Variants in CROCC observed in about 807,000 individuals in gnomAD.
CROCC encodes the protein rootletin.
Under a neutral mutation model 245.2 loss-of-function variants are expected in CROCC, and 180 were observed. That is an observed-to-expected ratio of 0.73 (90% confidence interval 0.65 to 0.83). The LOEUF is 0.83. CROCC is among the 40% of genes least tolerant of loss of function. The pLI is 0.00. For missense variants in CROCC, 2,688 were observed against 2,779.4 expected (o/e 0.97, Z 0.74); for synonymous variants, 1,205 against 1,241.6 (o/e 0.97, Z 0.62).
intron 27 of CROCC, among the ~76,000 whole-genome samples, chr1:16,963,486 A>G (rs2076366843): frequency 6.6e-6 from 1 of 152,200 alleles, no homozygotes; most frequent in Non-Finnish European, 1.5e-5. Flanking sequence ...GGGACCTTCT[A>G]GAGCTGGAGG....
chr1:16,948,400 G>T lies in CROCC; in HGVS notation c.2584G>T (p.Glu862Ter). 6.3e-7 allele frequency: 1 copy of T among 1,576,502 alleles called. No individual in the cohort carries two copies. Among genetic ancestry groups the T allele is most frequent in the East Asian group, 2.3e-5 (1 of 43,946 alleles). Residue 862 changes from glutamate (E) to a stop codon, truncating the protein, a stop_gained, in exon 18 of 37, where the codon GAG (glutamate) becomes TAG (stop). Coordinates refer to ENST00000375541, the MANE Select transcript of CROCC (RefSeq NM_014675.5). LOFTEE classifies it high-confidence loss of function. ...QARREAQRQV[E>*]ALERAAREKE... ...CCGGCGGGAGGCCCAGCGGCAAGTG[G>T]AGGCGCTGGAGCGAGCGGCCCGTGA...
rs780726691 is a variant in CROCC, at chr1:16,946,826, G to A, written c.2349G>A (p.Ala783=). The A allele has an allele frequency of 1.4e-4, 219 of 1,553,416 alleles. No homozygotes were observed. The highest frequency in any genetic ancestry group is 1.7e-4 in the Middle Eastern group (1 of 5,992). The part of the protein sequence containing the change: ...QRQAEQEATV[A]REEQERLEEL... ...AGGCAGAGCAGGAGGCCACAGTGGC[G>A]CGGGAAGAGCAGGAACGGCTAGAGG... The change falls in exon 17 of 37, where the codon GCG becomes GCA. Residue 783 remains alanine, a synonymous_variant. Coordinates refer to ENST00000375541, the MANE Select transcript of CROCC (RefSeq NM_014675.5).
Position 16,954,833 on chromosome 1 carries a change from C to T in CROCC, c.3421C>T (p.Gln1141Ter). 1 of 1,550,150 alleles carries T rather than the reference C, an allele frequency of 6.5e-7. No homozygotes were observed. The highest frequency in any genetic ancestry group is 8.7e-7 in the Non-Finnish European group (1 of 1,146,124). The change falls in exon 23 of 37, where the codon CAG (glutamine) becomes TAG (stop). Residue 1141 changes from glutamine (Q) to a stop codon, truncating the protein, a stop_gained. Transcript: ENST00000375541. LOFTEE classifies it high-confidence loss of function. The surrounding 1 kb of genome is among the most constrained non-coding windows in gnomAD (Gnocchi z 4.4). Reference sequence around the variant, plus strand: ...CCAGGAGGTGAGGAGGCTGCAAGAGCAGGCCCGAGACCTGGGCAAGCAGCG... The same window carrying T: ...CCAGGAGGTGAGGAGGCTGCAAGAGTAGGCCCGAGACCTGGGCAAGCAGCG... ...HAQEVRRLQE[Q>*]ARDLGKQRDS...
At chr1:16,934,352 T>A (rs375287138) in intron 8 of CROCC, among the ~76,000 whole-genome samples, 2 of 152,320 alleles carry the variant, frequency 1.3e-5, no homozygotes, top group South Asian at 2.1e-4. Flanking sequence ...CAGGCTGGAG[T>A]GCAGTGGCAC....
Position 16,955,203 on chromosome 1 carries a change from C to T in CROCC, c.3466-109C>T, listed in dbSNP as rs537158205. ...TAACTCACAGCCTGCGGTCTGAGCA[C>T]TGCAGAGGGATGGGGCAGGCTCCCT... is the stretch of plus-strand genomic sequence containing the variant. On this transcript the variant is annotated intron_variant, in intron 23 of 36. Coordinates refer to ENST00000375541, the MANE Select transcript of CROCC (RefSeq NM_014675.5). The T allele has an allele frequency of 3.8e-6, 4 of 1,063,078 alleles. No homozygotes were observed. The South Asian group carries it at 5.6e-5, about 15-fold the overall frequency. The allele number at this position is 1,063,078 out of a possible 1,614,324, so 65.9% of individuals were successfully genotyped here. A position where few individuals can be genotyped will look rare whatever the true frequency, so the allele number is the denominator to read the frequency against.
upstream of CROCC, among the ~76,000 whole-genome samples, chr1:16,918,765 C>T (rs11800377): frequency 0.091 from 12,779 of 139,810 alleles, 4 homozygotes; most frequent in African/African-American, 0.17. Context: ...GAGACAGAGT[C>T]TCTCTCTGTC....
At chr1:16,935,998 C>T (rs1297534201) in intron 8 of CROCC, among the ~76,000 whole-genome samples, 2 of 151,474 alleles carry the variant, frequency 1.3e-5, no homozygotes, top group African/African-American at 2.4e-5. Flanking sequence ...GTATCACCCT[C>T]CCACCAGCTG....
chr1:16,972,012 C>T (rs1186172396), intron 36 of CROCC, among the ~76,000 whole-genome samples: 1 of 152,228 alleles, frequency 6.6e-6, no homozygotes, highest in Admixed American at 6.5e-5. Context: ...TCACATACCC[C>T]TTCCTGACCA....
Position 16,954,683 on chromosome 1 carries a change from C to G in CROCC, c.3322-51C>G, listed in dbSNP as rs375970169. The G allele has an allele frequency of 2.0e-6, 3 of 1,503,860 alleles. No homozygotes were observed. The highest frequency in any genetic ancestry group is 2.2e-5 in the Admixed American group (1 of 45,764). 93.2% of individuals were successfully genotyped at this position (1,503,860 alleles called of 1,614,324 possible). A position where few individuals can be genotyped will look rare whatever the true frequency, so the allele number is the denominator to read the frequency against. On this transcript the variant is annotated intron_variant, in intron 22 of 36. Coordinates refer to ENST00000375541, the MANE Select transcript of CROCC (RefSeq NM_014675.5). The surrounding 1 kb of genome is among the most constrained non-coding windows in gnomAD (Gnocchi z 4.4). ...TGCACTGAGCGGGTTGGGAGCAGCCCGGGGCTGGGGGACACAGCAGGACCA... is the reference window on the plus strand; with the variant it reads ...TGCACTGAGCGGGTTGGGAGCAGCCGGGGGCTGGGGGACACAGCAGGACCA...
chr1:16,941,689 G>A (rs1412692396), intron 13 of CROCC, among the ~76,000 whole-genome samples: 3 of 151,118 alleles, frequency 2.0e-5, no homozygotes, highest in African/African-American at 7.3e-5. Context: ...CCGAGATGGC[G>A]CCACTGCACT....
Position 16,939,804 on chromosome 1 carries a change from G to A in CROCC, c.1609-90G>A, listed in dbSNP as rs531998892. On this transcript the variant is annotated intron_variant, in intron 12 of 36. Coordinates refer to ENST00000375541, the MANE Select transcript of CROCC (RefSeq NM_014675.5). ...CAGGCCCTGGACCCCGCCTAGCGTA[G>A]GCTAGTGTGTATCCCTGGAACCAGA... 256 of 1,471,730 alleles carry A rather than the reference G, an allele frequency of 1.7e-4. No homozygotes were observed. In the African/African-American group the frequency reaches 3.3e-3, roughly 19 times the overall value. The allele number at this position is 1,471,730 out of a possible 1,614,324, so 91.2% of individuals were successfully genotyped here.
chr1:16,969,455 A>T, intron 32 of CROCC, 115 bp downstream of exon 32: 2 of 1,074,650 alleles, frequency 1.9e-6, no homozygotes, highest in East Asian at 2.6e-5. Context: ...AGTTGGAGCC[A>T]ATGAGAGCAG....
Position 16,971,725 on chromosome 1 carries a change from T to C in CROCC, c.5967+78T>C, listed in dbSNP as rs553148691. ...AAAGAGGAGAGACCCAATCAAGACC[T>C]TGTGGGTATAGGCAGTCGATGGCTC... On this transcript the variant is annotated intron_variant, in intron 36 of 36. Coordinates refer to ENST00000375541, the MANE Select transcript of CROCC (RefSeq NM_014675.5). The C allele has an allele frequency of 1.3e-5, 18 of 1,348,430 alleles. No individual in the cohort carries two copies. In the Admixed American group the frequency reaches 3.7e-4, roughly 28 times the overall value. The allele number at this position is 1,348,430 out of a possible 1,614,324, so 83.5% of individuals were successfully genotyped here.
Position 16,946,867 on chromosome 1 carries a change from A to G in CROCC, c.2390A>G (p.Gln797Arg). The G allele has an allele frequency of 6.4e-7, 1 of 1,558,630 alleles. No individual in the cohort carries two copies. Among genetic ancestry groups the G allele is most frequent in the Non-Finnish European group, 8.7e-7 (1 of 1,151,294 alleles). The change falls in exon 17 of 37, where the codon CAG becomes CGG. Residue 797 changes from glutamine to arginine, a missense_variant. By Grantham distance (43) the Gln-to-Arg change is conservative (BLOSUM62 1). Around this residue, in one of 9 missense-constraint regions of CROCC, gnomAD observed 295 missense variants for 241.7 expected, o/e 1.22. Transcript: ENST00000375541. The stretch of plus-strand genomic sequence containing the variant: ...CGGCTAGAGGAGCTGCGGTTGGAGC[A>G]GGAGGTGGCGCGGCAGGGCCTGGAG... The part of the protein sequence containing the change: ...QERLEELRLE[Q>R]EVARQGLEGS...
chr1:16,918,972 A>G (rs895205420), upstream of CROCC, among the ~76,000 whole-genome samples: 2 of 152,254 alleles, frequency 1.3e-5, no homozygotes, highest in African/African-American at 4.8e-5. Flanking sequence ...CCTGACCTCA[A>G]GTGATCGACC....
In CROCC at chr1:16,958,258, C is replaced by T. The variant is rs536414163; in HGVS notation, c.3865-325C>T. 2.6e-5 allele frequency among the ~76,000 whole-genome samples: 4 copies of T among 152,288 alleles called. No homozygotes were observed. The South Asian group carries it at 6.2e-4, about 24-fold the overall frequency. On this transcript the variant is annotated intron_variant, in intron 25 of 36. Transcript: ENST00000375541. ...GCGCTCCAAAAACGTTCATCGCCAT[C>T]GTAGAGGGGAAAGATAACCCAGGGA...
In CROCC at chr1:16,947,029, T is replaced by C. The variant is rs772603401; in HGVS notation, c.2514+38T>C. On this transcript the variant is annotated intron_variant, in intron 17 of 36. Coordinates refer to ENST00000375541, the MANE Select transcript of CROCC (RefSeq NM_014675.5). ...GTGTGTGGGGGTGGTGTGGAGAGCA[T>C]GTGGGGCAGGCCGGGCTCCCAGCCC... The C allele has an allele frequency of 1.5e-5, 23 of 1,514,766 alleles. No individual in the cohort carries two copies. In the African/African-American group the frequency reaches 1.9e-4, roughly 13 times the overall value. 93.8% of individuals were successfully genotyped at this position (1,514,766 alleles called of 1,614,324 possible).
Position 16,966,440 on chromosome 1 carries a change from G to C in CROCC, c.4729G>C (p.Val1577Leu), listed in dbSNP as rs758238121. The stretch of plus-strand genomic sequence containing the variant: ...CAGTGTGGATGGGCGGCTGAGCGGG[G>C]TCCAGGCGGAGCTGGCGCTGCAGGA... ...RRSVDGRLSG[V>L]QAELALQEES... is the part of the protein sequence containing the mutation. Residue 1577 changes from valine (V) to leucine (L), a missense_variant, in exon 30 of 37, where the codon GTC becomes CTC. Transcript: ENST00000375541. The surrounding 1 kb of genome is among the most constrained non-coding windows in gnomAD (Gnocchi z 4.8). 6.5e-7 allele frequency: 1 copy of C among 1,537,724 alleles called. No homozygotes were observed. Among genetic ancestry groups the C allele is most frequent in the African/African-American group, 1.4e-5 (1 of 72,948 alleles).
At chr1:16,930,711 C>T in intron 7 of CROCC, 117 bp downstream of exon 7, 1 of 712,002 alleles carries the variant, frequency 1.4e-6, no homozygotes, top group Non-Finnish European at 2.0e-6. Context: ...AGCCTGTTAG[C>T]AGAAGTAAAT....
Sources: gnomAD v4.1 joint callset for allele counts (sites outside exome capture counted in the v4.1 genomes callset) on GRCh38, gnomAD v4.1.1 for gene constraint, gnomAD v4.1.1 regional missense constraint, Gnocchi (gnomAD v3.1) non-coding constraint, MANE v1.5 for transcripts, NCBI Gene and HGNC (gene_info 2026-07-23, HGNC 2026-07-21) for gene names.